Variants in STAG1 observed in about 807,000 individuals in gnomAD.
STAG1 encodes cohesin subunit SA-1.
Under a neutral mutation model 170.9 loss-of-function variants are expected in STAG1, and 26 were observed. That is an observed-to-expected ratio of 0.15 (90% CI 0.11 to 0.21). The LOEUF is 0.21. Ranked by LOEUF, STAG1 falls within the 10% of genes least tolerant of loss-of-function variation. STAG1 has a pLI of 1.00. For synonymous variants in STAG1, 514 were observed against 497.7 expected (o/e 1.03, Z -0.44); for missense variants, 964 against 1,509.5 (o/e 0.64, Z 5.99).
At chr3:136,739,711 C>T (rs1032484480) in intron 1 of STAG1, among the ~76,000 whole-genome samples, 1 of 151,724 alleles carries the variant, frequency 6.6e-6, no homozygotes, top group Non-Finnish European at 1.5e-5. Flanking sequence ...GTAGTCCCAG[C>T]TACTCGAGAG....
At position 136,610,149 on chromosome 3, in the gene STAG1, G is replaced by A. The variant is rs376619906; in HGVS notation, c.133-5676C>T. Among the ~76,000 whole-genome samples, 1,077 of 152,008 alleles carry A rather than the reference G, an allele frequency of 7.1e-3. 14 individuals are homozygous for A. Among genetic ancestry groups the A allele is most frequent in the African/African-American group, 0.023 (967 of 41,462 alleles). On this transcript the variant is annotated intron_variant, in intron 3 of 33. Coordinates refer to ENST00000383202, the MANE Select transcript of STAG1 (RefSeq NM_005862.3). Reference sequence around the variant, plus strand: ...CCTCCCAGGTTCAAGTGATTCTCCTGCCTCAGCCTCCCAAGTAGCTGGGAC... The same window carrying A: ...CCTCCCAGGTTCAAGTGATTCTCCTACCTCAGCCTCCCAAGTAGCTGGGAC...
At chr3:136,494,847 C>A (rs1312584459) in intron 9 of STAG1, among the ~76,000 whole-genome samples, 1 of 152,066 alleles carries the variant, frequency 6.6e-6, no homozygotes, top group Admixed American at 6.6e-5. Context: ...AATTGTTTCC[C>A]CATTAAGATA....
intron 1 of STAG1, among the ~76,000 whole-genome samples, chr3:136,739,495 G>C (rs1258376425): frequency 1.6e-5 from 2 of 123,520 alleles, no homozygotes; most frequent in African/African-American, 3.0e-5. Context: ...TGGGGCAACA[G>C]ACTCCGTCAA....
chr3:136,633,962 TAAAAAAAAAAAAAAAAAAAAAAAA>T (rs67810422), intron 1 of STAG1, among the ~76,000 whole-genome samples: 19 of 50,356 alleles, frequency 3.8e-4, no homozygotes, highest in African/African-American at 9.8e-4. Flanking sequence ...TGTCTCTACT[TAAAAAAAAAAAAAAAAAAAAAAAA>T]AAAAATTAGC....
At chr3:136,372,935 C>G (rs904735642) in intron 23 of STAG1, among the ~76,000 whole-genome samples, 4 of 152,174 alleles carry the variant, frequency 2.6e-5, no homozygotes, top group African/African-American at 7.2e-5. Context: ...ACCAGCTCCT[C>G]CTTGTACCTC....
chr3:136,508,273 T>C (rs1933870562), intron 7 of STAG1, among the ~76,000 whole-genome samples: 1 of 152,200 alleles, frequency 6.6e-6, no homozygotes, highest in African/African-American at 2.4e-5. Flanking sequence ...TTAACACCTA[T>C]AATCTCCTTT....
At chr3:136,453,928 G>A (rs1040501159) in intron 13 of STAG1, among the ~76,000 whole-genome samples, 2 of 151,758 alleles carry the variant, frequency 1.3e-5, no homozygotes, top group Admixed American at 1.3e-4. Flanking sequence ...GGTTTTCTGG[G>A]GGGGCAGGTG....
chr3:136,729,164 T>TTTTTTG (rs200599661), intron 1 of STAG1, among the ~76,000 whole-genome samples: 5 of 151,948 alleles, frequency 3.3e-5, no homozygotes, highest in Non-Finnish European at 5.9e-5. Context: ...TGTGTGTGGT[T>TTTTTTG]TTTTTGTTTT....
chr3:136,638,609 A>C (rs1457688029), intron 1 of STAG1, among the ~76,000 whole-genome samples: 1 of 152,190 alleles, frequency 6.6e-6, no homozygotes, highest in Non-Finnish European at 1.5e-5. Context: ...CTTTTAAAAA[A>C]CAAAAAATCA....
At chr3:136,395,342 G>T (rs1019213827) in intron 22 of STAG1, among the ~76,000 whole-genome samples, 4 of 152,052 alleles carry the variant, frequency 2.6e-5, no homozygotes, top group Admixed American at 1.3e-4. Flanking sequence ...CAAAATTTAG[G>T]CTGGGCACAG....
In STAG1 at chr3:136,357,358, GA is replaced by G. The variant is rs1045414626; in HGVS notation, c.3065+361del. 3.0e-4 allele frequency among the ~76,000 whole-genome samples: 46 copies of G among 151,958 alleles called. 1 individual carries two copies. The highest frequency in any genetic ancestry group is 1.0e-3 in the African/African-American group (43 of 41,436). On this transcript the variant is annotated intron_variant, in intron 28 of 33. Transcript: ENST00000383202. ...ATCAATAATCAAAAAAAGCAAATATGAAAAAAATCAATCTTTTGAAACAAGT... is the reference window on the plus strand; with the variant it reads ...ATCAATAATCAAAAAAAGCAAATATGAAAAAATCAATCTTTTGAAACAAGT...
At chr3:136,639,403 C>A (rs1225588298) in intron 1 of STAG1, among the ~76,000 whole-genome samples, 1 of 152,056 alleles carries the variant, frequency 6.6e-6, no homozygotes, top group African/African-American at 2.4e-5. Flanking sequence ...ATTCAAATAA[C>A]CACTATCACT....
At chr3:136,377,385 T>TTAAAAAAAAAAAAAA (rs1937659405) in intron 23 of STAG1, among the ~76,000 whole-genome samples, 1 of 256 alleles carries the variant, frequency 3.9e-3, no homozygotes, top group Non-Finnish European at 8.1e-3. Flanking sequence ...AGACTCTGTC[T>TTAAAAAAAAAAAAAA]CAAAAAAAAA....
At chr3:136,352,563 G>C (rs1345021992) in intron 28 of STAG1, among the ~76,000 whole-genome samples, 1 of 152,086 alleles carries the variant, frequency 6.6e-6, no homozygotes, top group Non-Finnish European at 1.5e-5. Context: ...GGCCCACAAA[G>C]ATTTCAAAGC....
At position 136,444,079 on chromosome 3, in the gene STAG1, T is replaced by A. The variant is rs1379141614; in HGVS notation, c.1429-675A>T. ...CATTAAGCCTTGGAGAATATTATCC[T>A]TTTTTTTTTTTTGAGATGGAGTCTT... On this transcript the variant is annotated intron_variant, in intron 14 of 33. Coordinates refer to ENST00000383202, the MANE Select transcript of STAG1 (RefSeq NM_005862.3). Among the ~76,000 whole-genome samples the A allele has an allele frequency of 2.1e-5, 3 of 142,764 alleles. No homozygotes were observed. The South Asian group carries it at 6.5e-4, about 31-fold the overall frequency. 93.7% of individuals were successfully genotyped at this position (142,764 alleles called of 152,430 possible). A position where few individuals can be genotyped will look rare whatever the true frequency, so the allele number is the denominator to read the frequency against.
chr3:136,518,614 G>C (rs1256230931), intron 7 of STAG1, among the ~76,000 whole-genome samples: 1 of 152,072 alleles, frequency 6.6e-6, no homozygotes, highest in Non-Finnish European at 1.5e-5. Context: ...TTTTATACAA[G>C]TGAGCCTTGG....
At chr3:136,624,301 C>T (rs1381768907) in intron 2 of STAG1, among the ~76,000 whole-genome samples, 2 of 152,020 alleles carry the variant, frequency 1.3e-5, no homozygotes, top group African/African-American at 2.4e-5. Context: ...GGGGTTTCAC[C>T]GTGTTAGCCA....
chr3:136,357,467 A>G (rs1936702708), intron 28 of STAG1, among the ~76,000 whole-genome samples: 1 of 152,230 alleles, frequency 6.6e-6, no homozygotes, highest in Admixed American at 6.5e-5. Flanking sequence ...GTGTTTATAC[A>G]TCTTTGAACT....
chr3:136,532,085 G>T (rs1935404099), intron 6 of STAG1, among the ~76,000 whole-genome samples: 1 of 151,562 alleles, frequency 6.6e-6, no homozygotes, highest in Admixed American at 6.6e-5. Context: ...AAAATGAAAA[G>T]ATAAAACTGA....
Sources: gnomAD v4.1 joint callset for allele counts (sites outside exome capture counted in the v4.1 genomes callset) on GRCh38, gnomAD v4.1.1 for gene constraint, MANE v1.5 for transcripts, NCBI Gene and HGNC (gene_info 2026-07-23, HGNC 2026-07-21) for gene names.